Variants in CSMD1 observed in about 807,000 individuals in gnomAD.
The protein encoded by CSMD1 is CUB and sushi domain-containing protein 1.
Under a neutral mutation model 417.5 loss-of-function variants are expected in CSMD1, and 213 were observed. The ratio of observed to expected loss-of-function variants is 0.51; its 90% confidence interval spans 0.46 to 0.57. CSMD1 has a LOEUF of 0.57. CSMD1 is among the 20% of genes least tolerant of loss of function. CSMD1 has a pLI of 0.00. For missense variants in CSMD1, 6,923 were observed against 4,529.7 expected (o/e 1.53, Z -15.17); for synonymous variants, 2,862 against 1,736.8 (o/e 1.65, Z -16.11).
intron 26 of CSMD1, among the ~76,000 whole-genome samples, chr8:3,264,879 G>A (rs1801324276): frequency 1.3e-5 from 2 of 152,074 alleles, no homozygotes; most frequent in Non-Finnish European, 2.9e-5. Flanking sequence ...TGTGGCCTGT[G>A]TGTGTATACA....
intron 18 of CSMD1, among the ~76,000 whole-genome samples, chr8:3,384,009 C>T (rs375062607): frequency 5.3e-5 from 8 of 152,074 alleles, no homozygotes; most frequent in African/African-American, 1.9e-4. Context: ...ATTTACATAA[C>T]CACTAGTGCC....
At chr8:4,117,839 C>G (rs1802247056) in intron 3 of CSMD1, among the ~76,000 whole-genome samples, 1 of 150,996 alleles carries the variant, frequency 6.6e-6, no homozygotes, top group South Asian at 2.1e-4. Flanking sequence ...TCTCACTTTC[C>G]AAACAAAAGA....
chr8:3,139,468 G>C (rs771938093), intron 41 of CSMD1, among the ~76,000 whole-genome samples: 1 of 152,180 alleles, frequency 6.6e-6, no homozygotes, highest in African/African-American at 2.4e-5. Context: ...CAGGAGACAT[G>C]AGAAAGGAAG....
At chr8:4,693,582 CA>C (rs1207289117) in intron 1 of CSMD1, among the ~76,000 whole-genome samples, 1 of 152,218 alleles carries the variant, frequency 6.6e-6, no homozygotes, top group African/African-American at 2.4e-5. Flanking sequence ...GCCCATTAGG[CA>C]GAGTGGTATT....
chr8:3,214,137 C>T (rs559170177), intron 30 of CSMD1, among the ~76,000 whole-genome samples: 13 of 152,120 alleles, frequency 8.5e-5, no homozygotes, highest in African/African-American at 2.4e-4. Context: ...AGCTACCACG[C>T]CCGGCTAGAA....
chr8:4,867,525 T>C (rs1327771603), intron 1 of CSMD1, among the ~76,000 whole-genome samples: 1 of 152,100 alleles, frequency 6.6e-6, no homozygotes, highest in African/African-American at 2.4e-5. Flanking sequence ...ATAATTTTTT[T>C]TACCTTTGAG....
chr8:3,674,920 T>C (rs1358939218), intron 7 of CSMD1, among the ~76,000 whole-genome samples: 1 of 152,184 alleles, frequency 6.6e-6, no homozygotes. Flanking sequence ...AATGAACTTA[T>C]GCAACACGTC....
At chr8:3,927,094 G>A (rs187100443) in intron 5 of CSMD1, among the ~76,000 whole-genome samples, 1 of 151,598 alleles carries the variant, frequency 6.6e-6, no homozygotes, top group Non-Finnish European at 1.5e-5. Flanking sequence ...TTATCTTTAG[G>A]TATTATTATC....
At chr8:4,788,910 G>C (rs1169142240) in intron 1 of CSMD1, among the ~76,000 whole-genome samples, 3 of 152,162 alleles carry the variant, frequency 2.0e-5, no homozygotes, top group South Asian at 2.1e-4. Context: ...AGGTGTTGGA[G>C]GTTGGCAGCA....
At chr8:3,828,940 C>G (rs1440753990) in intron 5 of CSMD1, among the ~76,000 whole-genome samples, 5 of 152,154 alleles carry the variant, frequency 3.3e-5, no homozygotes, top group African/African-American at 1.2e-4. Flanking sequence ...CACTGGTCTT[C>G]TTTCTGTTTC....
At chr8:4,205,830 T>G (rs1175487067) in intron 3 of CSMD1, among the ~76,000 whole-genome samples, 1 of 152,166 alleles carries the variant, frequency 6.6e-6, no homozygotes, top group African/African-American at 2.4e-5. Flanking sequence ...TCTCCCCCAT[T>G]AACATATGAG....
chr8:4,510,586 C>G (rs12545803), intron 2 of CSMD1, among the ~76,000 whole-genome samples: 1 of 148,726 alleles, frequency 6.7e-6, no homozygotes, highest in East Asian at 2.0e-4. Flanking sequence ...CTTCCCTCCT[C>G]GCTTCCTTCC....
At chr8:4,446,390 C>G (rs1163951436) in intron 2 of CSMD1, among the ~76,000 whole-genome samples, 1 of 151,964 alleles carries the variant, frequency 6.6e-6, no homozygotes, top group Non-Finnish European at 1.5e-5. Flanking sequence ...TCCATAAAAA[C>G]AAACAAAAGT....
intron 5 of CSMD1, among the ~76,000 whole-genome samples, chr8:3,970,901 G>A (rs1407715262): frequency 6.6e-6 from 1 of 152,074 alleles, no homozygotes; most frequent in East Asian, 1.9e-4. Flanking sequence ...ACAGGTGACT[G>A]CCACCATGCT....
At chr8:3,905,821 A>G (rs921419822) in intron 5 of CSMD1, among the ~76,000 whole-genome samples, 3 of 152,212 alleles carry the variant, frequency 2.0e-5, no homozygotes, top group African/African-American at 7.2e-5. Flanking sequence ...AAGTCCAAAC[A>G]TCTGGGCCTG....
intron 18 of CSMD1, among the ~76,000 whole-genome samples, chr8:3,382,445 TAA>T (rs1221736949): frequency 7.0e-6 from 1 of 143,096 alleles, no homozygotes. Flanking sequence ...ATAACATATA[TAA>T]TATAATATAT....
At chr8:3,520,823 C>G (rs952763355) in intron 10 of CSMD1, among the ~76,000 whole-genome samples, 4 of 152,138 alleles carry the variant, frequency 2.6e-5, no homozygotes, top group African/African-American at 4.8e-5. Flanking sequence ...TAGGAAACAT[C>G]AACACCTCAA....
At chr8:3,958,318 CTCTTTTTTTT>C (rs1186873880) in intron 5 of CSMD1, among the ~76,000 whole-genome samples, 2 of 15,724 alleles carry the variant, frequency 1.3e-4, no homozygotes. Context: ...TTTAAACTCT[CTCTTTTTTTT>C]TTTTTTTTCC....
Position 4,359,502 on chromosome 8 carries a change from G to C in CSMD1, c.415+60451C>G, listed in dbSNP as rs972360165. Among the ~76,000 whole-genome samples, 7 of 152,090 alleles carry C rather than the reference G, an allele frequency of 4.6e-5. No homozygotes were observed. The East Asian group carries it at 1.2e-3, about 25-fold the overall frequency. ...GAATCCTTCCTCTTTGTCTCTTATA[G>C]ACTTCCCCAACCTTGCAAATAGAGA... On this transcript the variant is annotated intron_variant, in intron 3 of 69. Coordinates refer to ENST00000635120, the MANE Select transcript of CSMD1 (RefSeq NM_033225.6).
Sources: gnomAD v4.1 joint callset for allele counts (sites outside exome capture counted in the v4.1 genomes callset) on GRCh38, gnomAD v4.1.1 for gene constraint, MANE v1.5 for transcripts, NCBI Gene and HGNC (gene_info 2026-07-23, HGNC 2026-07-21) for gene names.